ZNF91: variants seen among roughly 807,000 people sequenced by gnomAD.
ZNF91 encodes zinc finger protein 91 (HPF7, HTF10).
In ZNF91, 7 loss-of-function variants were observed where a neutral mutation model predicts 12.6. The ratio of observed to expected loss-of-function variants is 0.55; its 90% CI spans 0.31 to 1.04. ZNF91 has a LOEUF of 1.04. ZNF91 is among the 50% of genes least tolerant of loss of function. The probability of loss-of-function intolerance (pLI) is 0.05; values close to 1 mark genes in which losing one functional copy is unlikely to be tolerated. For missense variants in ZNF91, 1,217 were observed against 1,385.4 expected, an observed-to-expected ratio of 0.88 and a Z score of 1.93; for synonymous variants, 453 against 462.6, an observed-to-expected ratio of 0.98 and a Z score of 0.27.
chr19:23,382,473 G>A (rs999533222), intron 1 of ZNF91, among the ~76,000 whole-genome samples: 1 of 152,194 alleles, frequency 6.6e-6, no homozygotes, highest in Non-Finnish European at 1.5e-5. Flanking sequence ...ACAGATAATT[G>A]AAGAAGAAAA....
At chr19:23,366,191 G>A (rs912134179) in intron 3 of ZNF91, among the ~76,000 whole-genome samples, 32 of 151,978 alleles carry the variant, frequency 2.1e-4, no homozygotes, top group African/African-American at 2.9e-4. Context: ...CTGGCCCGGC[G>A]GGGGCTGACC....
intron 1 of ZNF91, among the ~76,000 whole-genome samples, chr19:23,382,464 C>A (rs1174994001): frequency 1.3e-5 from 2 of 152,148 alleles, no homozygotes; most frequent in African/African-American, 4.8e-5. Context: ...CACTAATAGA[C>A]AGATAATTGA....
intron 3 of ZNF91, among the ~76,000 whole-genome samples, chr19:23,367,738 T>C (rs1969071296): frequency 6.6e-6 from 1 of 152,266 alleles, no homozygotes; most frequent in South Asian, 2.1e-4. Flanking sequence ...CTTCTGTATA[T>C]GGCCAAATAA....
intron 3 of ZNF91, among the ~76,000 whole-genome samples, chr19:23,340,680 A>C (rs1968103918): frequency 6.6e-6 from 1 of 151,884 alleles, no homozygotes; most frequent in Non-Finnish European, 1.5e-5. Context: ...AGAGGTCAGT[A>C]TCACCCTGAT....
intron 1 of ZNF91, among the ~76,000 whole-genome samples, chr19:23,375,187 G>C (rs542060336): frequency 6.6e-6 from 1 of 150,786 alleles, no homozygotes; most frequent in East Asian, 1.9e-4. Flanking sequence ...TTGAGACAGA[G>C]TCTCACTCTG....
intron 1 of ZNF91, chr19:23,385,008 G>A (rs1183585866): frequency 2.5e-6 from 3 of 1,218,492 alleles, no homozygotes; most frequent in Non-Finnish European, 3.7e-6. Flanking sequence ...GCAGTCTGTT[G>A]GAGAACGGGA....
intron 1 of ZNF91, among the ~76,000 whole-genome samples, chr19:23,379,002 A>AG (rs34139256): frequency 0.1 from 15,782 of 152,246 alleles, 1,255 homozygotes; most frequent in East Asian, 0.37. Flanking sequence ...GAGCAAACAC[A>AG]GGATGACTCA....
chr19:23,334,107 G>T (rs1265117328), downstream of ZNF91, among the ~76,000 whole-genome samples: 1 of 152,154 alleles, frequency 6.6e-6, no homozygotes, highest in Non-Finnish European at 1.5e-5. Flanking sequence ...ATGTGTAGAG[G>T]AAGAGTGTGG....
upstream of ZNF91, chr19:23,310,592 C>T (rs1368168122): frequency 1.3e-5 from 2 of 152,202 alleles, no homozygotes; most frequent in African/African-American, 2.4e-5. Context: ...ATCCTTGGAC[C>T]TTCTTGCACG....
chr19:23,364,689 T>A (rs943109079), intron 3 of ZNF91, among the ~76,000 whole-genome samples: 1 of 151,952 alleles, frequency 6.6e-6, no homozygotes, highest in African/African-American at 2.4e-5. Flanking sequence ...AAAATATAGA[T>A]TCAGAAATAA....
intron 1 of ZNF91, 95 bp downstream of exon 1, chr19:23,395,230 G>T: frequency 6.8e-7 from 1 of 1,475,206 alleles, no homozygotes; most frequent in Non-Finnish European, 9.3e-7. Flanking sequence ...TTGTGGAGCT[G>T]ACTGAAGGAA....
intron 1 of ZNF91, among the ~76,000 whole-genome samples, chr19:23,378,764 T>C (rs1969594697): frequency 6.6e-6 from 1 of 152,224 alleles, no homozygotes; most frequent in African/African-American, 2.4e-5. Context: ...ACCCAACCTT[T>C]TGATGCATAA....
At chr19:23,314,068 T>C (rs1160026854), upstream of ZNF91, among the ~76,000 whole-genome samples, 20 of 152,160 alleles carry the variant, frequency 1.3e-4, no homozygotes, top group Non-Finnish European at 2.8e-4. Flanking sequence ...GAATGTCACA[T>C]GGAATTGTGA....
chr19:23,384,084 G>A (rs996048620), intron 1 of ZNF91, among the ~76,000 whole-genome samples: 1 of 152,054 alleles, frequency 6.6e-6, no homozygotes, highest in Non-Finnish European at 1.5e-5. Flanking sequence ...CCTCCAGCCT[G>A]GGCGACAAAG....
At position 23,360,541 on chromosome 19, in the gene ZNF91, A is replaced by G. The variant is rs1178549827; in HGVS notation, c.2438T>C (p.Leu813Pro). ...CGKAFSRSSTLTKHKTIHTGE... is the reference protein window; with the variant it reads ...CGKAFSRSSTPTKHKTIHTGE... ...AGTATGAATTGTCTTATGCTTAGTA[A>G]GGGTTGAGGAACGGCTAAAAGCTTT... Residue 813 changes from leucine to proline, a missense_variant, in exon 4 of 4, where the codon CTT (leucine) becomes CCT (proline). By Grantham distance (98) the Leu-to-Pro change is moderately conservative (BLOSUM62 -3). Around this residue, in one of 2 missense-constraint regions of ZNF91, gnomAD observed 491 missense variants for 489.8 expected, o/e 1.00. Transcript: ENST00000300619. The G allele has an allele frequency of 6.2e-7, 1 of 1,613,780 alleles. No homozygotes were observed. Among genetic ancestry groups the G allele is most frequent in the South Asian group, 1.1e-5 (1 of 91,054 alleles).
rs960990465 is a variant in ZNF91, at chr19:23,361,476, T to A, written c.1503A>T (p.Gln501His). 3.7e-6 allele frequency: 6 copies of A among 1,604,928 alleles called. No individual in the cohort carries two copies. In the African/African-American group the frequency reaches 4.1e-5, roughly 11 times the overall value. Residue 501 changes from glutamine (Q) to histidine (H), a missense_variant, in exon 4 of 4, where the codon CAA becomes CAT. Around this residue, in one of 2 missense-constraint regions of ZNF91, gnomAD observed 726 missense variants for 895.5 expected, o/e 0.81. Coordinates refer to ENST00000300619, the MANE Select transcript of ZNF91 (RefSeq NM_003430.4). ...TCTTATGTTTAGTAAGGGTTGAGGA[T>A]TGCCTAAAAGCTTTGCCACATTCTT... ...KCEECGKAFR[Q>H]SSTLTKHKII...
intron 1 of ZNF91, chr19:23,328,615 G>C (rs1967877422): frequency 6.6e-6 from 1 of 152,198 alleles, no homozygotes; most frequent in South Asian, 2.1e-4. Flanking sequence ...GCATGCTAAG[G>C]ACTATTTTTA....
intron 3 of ZNF91, among the ~76,000 whole-genome samples, chr19:23,373,390 A>ATATATATATATATATAT (rs1555743078): frequency 1.4e-5 from 2 of 141,644 alleles, no homozygotes; most frequent in Non-Finnish European, 3.1e-5. Flanking sequence ...ATATATAAAT[A>ATATATATATATATATAT]AACAGTACTT....
intron 1 of ZNF91, among the ~76,000 whole-genome samples, chr19:23,333,645 G>T (rs1212449229): frequency 6.6e-6 from 1 of 152,144 alleles, no homozygotes; most frequent in African/African-American, 2.4e-5. Context: ...GCACTTGAGG[G>T]TCTGTTTCCT....
Sources: gnomAD v4.1 joint callset for allele counts (sites outside exome capture counted in the v4.1 genomes callset) on GRCh38, gnomAD v4.1.1 for gene constraint, gnomAD v4.1.1 regional missense constraint, MANE v1.5 for transcripts, NCBI Gene and HGNC (gene_info 2026-07-23, HGNC 2026-07-21) for gene names.